Variants in CRISPLD2 observed in about 807,000 individuals in gnomAD.
The protein encoded by CRISPLD2 is cysteine-rich secretory protein LCCL domain-containing 2.
In CRISPLD2, 47 loss-of-function variants were observed where a neutral mutation model predicts 71.1. That is an observed-to-expected ratio of 0.66 (90% CI 0.52 to 0.84). CRISPLD2 has a LOEUF of 0.84. Ranked by LOEUF, CRISPLD2 falls within the 40% of genes least tolerant of loss-of-function variation. CRISPLD2 has a pLI of 0.00. For synonymous variants in CRISPLD2, 317 were observed against 250.1 expected (o/e 1.27, Z -2.52); for missense variants, 830 against 651.1 (o/e 1.27, Z -2.99).
intron 6 of CRISPLD2, among the ~76,000 whole-genome samples, chr16:84,858,634 G>A (rs145562582): frequency 6.6e-6 from 1 of 152,346 alleles, no homozygotes; most frequent in East Asian, 1.9e-4. Context: ...ATGGAGCAGT[G>A]TGATATCTTG....
Position 84,906,671 on chromosome 16 carries a change from C to T in CRISPLD2, c.*29C>T, listed in dbSNP as rs1388791710. On this transcript the variant is annotated 3_prime_UTR_variant, in exon 15 of 15. Transcript: ENST00000262424. Reference sequence around the variant, plus strand: ...TCCAGCACCAGGGGAGAAGGGGCGTCTTCAGGAGGGCTTCGGGGTTTTGCT... The same window carrying T: ...TCCAGCACCAGGGGAGAAGGGGCGTTTTCAGGAGGGCTTCGGGGTTTTGCT... The T allele has an allele frequency of 3.1e-6, 5 of 1,613,286 alleles. No individual in the cohort carries two copies. In the South Asian group the frequency reaches 4.4e-5, roughly 14 times the overall value.
At chr16:84,832,786 A>G (rs559785418) in intron 1 of CRISPLD2, among the ~76,000 whole-genome samples, 5 of 152,332 alleles carry the variant, frequency 3.3e-5, no homozygotes, top group Admixed American at 2.0e-4. Flanking sequence ...AGATTCTCCT[A>G]AACACAAGGC....
At chr16:84,821,044 A>G (rs943640941) in intron 1 of CRISPLD2, among the ~76,000 whole-genome samples, 17 of 152,192 alleles carry the variant, frequency 1.1e-4, no homozygotes, top group African/African-American at 3.6e-4. Flanking sequence ...CTCAGCCAAA[A>G]TGTGAGTTGC....
intron 8 of CRISPLD2, among the ~76,000 whole-genome samples, chr16:84,872,152 C>T (rs1450924540): frequency 1.3e-5 from 2 of 152,120 alleles, no homozygotes; most frequent in Non-Finnish European, 2.9e-5. Context: ...AAAGGTTATA[C>T]GCAAATACTA....
rs747113042 is a variant in CRISPLD2 at position 84,838,729 on chromosome 16, G to C, written c.234G>C (p.Glu78Asp). ...GQVQPQASNMEYMTWDDELEK... is the reference protein window; with the variant it reads ...GQVQPQASNMDYMTWDDELEK... ...TGCAGCCTCAGGCCTCCAACATGGA[G>C]TACATGGTGAGCGCCGGCTCCGGCC... Residue 78 changes from glutamate (E) to aspartate (D), a missense_variant, in exon 2 of 15, where the codon GAG becomes GAC. Physicochemically the swap from Glu to Asp is conservative, Grantham distance 45. Transcript: ENST00000262424. 1 of 1,613,066 alleles carries C rather than the reference G, an allele frequency of 6.2e-7. No individual in the cohort carries two copies. The highest frequency in any genetic ancestry group is 1.3e-5 in the African/African-American group (1 of 74,940).
chr16:84,890,572 A>G (rs2071652763), intron 14 of CRISPLD2, among the ~76,000 whole-genome samples: 1 of 152,078 alleles, frequency 6.6e-6, no homozygotes, highest in African/African-American at 2.4e-5. Flanking sequence ...AGTCTTCTCC[A>G]GGAATGCTTG....
At chr16:84,859,984 C>G (rs1917338182) in intron 6 of CRISPLD2, among the ~76,000 whole-genome samples, 1 of 152,202 alleles carries the variant, frequency 6.6e-6, no homozygotes, top group Non-Finnish European at 1.5e-5. Context: ...AAATCTATTT[C>G]ACAAAGCATT....
At chr16:84,853,239 G>A (rs986641637) in intron 5 of CRISPLD2, among the ~76,000 whole-genome samples, 13 of 152,140 alleles carry the variant, frequency 8.5e-5, no homozygotes, top group Non-Finnish European at 1.3e-4. Flanking sequence ...ACGTACCCAC[G>A]ACAGGGCCAC....
intron 2 of CRISPLD2, chr16:84,839,369 G>A (rs895639452): frequency 4.7e-6 from 1 of 214,922 alleles, no homozygotes; most frequent in Non-Finnish European, 9.5e-6. Context: ...TCTCAGCTGT[G>A]CCACACGCTA....
At chr16:84,880,249 TTTTG>T in intron 12 of CRISPLD2, among the ~76,000 whole-genome samples, 1 of 152,332 alleles carries the variant, frequency 6.6e-6, no homozygotes, top group East Asian at 1.9e-4. Flanking sequence ...CTCTTTACCT[TTTTG>T]TTTGTGCATG....
At chr16:84,868,294 G>A (rs542198988) in intron 7 of CRISPLD2, among the ~76,000 whole-genome samples, 3 of 152,260 alleles carry the variant, frequency 2.0e-5, no homozygotes, top group South Asian at 4.1e-4. Context: ...AACATACAAC[G>A]TTTATGTCCC....
chr16:84,856,123 G>T (rs1412737532), intron 6 of CRISPLD2, among the ~76,000 whole-genome samples: 1 of 152,154 alleles, frequency 6.6e-6, no homozygotes, highest in Non-Finnish European at 1.5e-5. Context: ...GCAGGTCATG[G>T]TTTTTTTCCT....
Position 84,908,568 on chromosome 16 carries a change from G to C in CRISPLD2, c.*1926G>C, listed in dbSNP as rs964115719. On this transcript the variant is annotated 3_prime_UTR_variant, in exon 15 of 15. Transcript: ENST00000262424. ...ACTCAAGGGAGACTTGAAACTTCCAGTGTGAGTTGACCCCATCATTTAAAA... is the reference window on the plus strand; with the variant it reads ...ACTCAAGGGAGACTTGAAACTTCCACTGTGAGTTGACCCCATCATTTAAAA... The C allele has an allele frequency of 6.6e-6, 1 of 152,174 alleles. No individual in the cohort carries two copies. The highest frequency in any genetic ancestry group is 1.5e-5 in the Non-Finnish European group (1 of 68,058). The allele number at this position is 152,174 out of a possible 1,614,324, so 9.4% of individuals were successfully genotyped here.
chr16:84,836,383 G>C (rs1916619750), intron 1 of CRISPLD2: 1 of 152,150 alleles, frequency 6.6e-6, no homozygotes, highest in Non-Finnish European at 1.5e-5. Context: ...GAGAGAGAGA[G>C]ATCAGGGATC....
intron 2 of CRISPLD2, among the ~76,000 whole-genome samples, chr16:84,842,734 T>C (rs1004751541): frequency 6.6e-6 from 1 of 152,094 alleles, no homozygotes; most frequent in African/African-American, 2.4e-5. Context: ...GAACATGCTG[T>C]TGGGAGAGTT....
intron 11 of CRISPLD2, among the ~76,000 whole-genome samples, chr16:84,876,068 A>G (rs2071515879): frequency 1.3e-5 from 2 of 152,214 alleles, no homozygotes; most frequent in African/African-American, 4.8e-5. Flanking sequence ...GCTTTTGTAA[A>G]TAAAGTTTTA....
At chr16:84,867,302 C>T (rs1371720279) in intron 7 of CRISPLD2, among the ~76,000 whole-genome samples, 1 of 152,208 alleles carries the variant, frequency 6.6e-6, no homozygotes, top group Non-Finnish European at 1.5e-5. Context: ...AAGGTTAGAC[C>T]TTCCCTTGTC....
At chr16:84,903,363 T>G (rs2071772276) in intron 14 of CRISPLD2, among the ~76,000 whole-genome samples, 1 of 151,920 alleles carries the variant, frequency 6.6e-6, no homozygotes, top group Non-Finnish European at 1.5e-5. Flanking sequence ...GATCATGAGC[T>G]CAGGCGTTTG....
intron 14 of CRISPLD2, among the ~76,000 whole-genome samples, chr16:84,900,054 G>A (rs1218480133): frequency 6.6e-6 from 1 of 152,004 alleles, no homozygotes; most frequent in Non-Finnish European, 1.5e-5. Flanking sequence ...AAACCAGCAG[G>A]GCCGCCAGGG....
Sources: allele counts gnomAD v4.1 joint callset (sites outside exome capture counted in the v4.1 genomes callset), GRCh38; gene constraint gnomAD v4.1.1; transcripts MANE v1.5; gene names NCBI Gene and HGNC (gene_info 2026-07-23, HGNC 2026-07-21).